FAM135B: variants seen among roughly 807,000 people sequenced by gnomAD.
FAM135B encodes family with sequence similarity 135 member B.
Under a neutral mutation model 127.7 loss-of-function variants are expected in FAM135B, and 43 were observed. The ratio of observed to expected loss-of-function variants is 0.34; its 90% confidence interval spans 0.26 to 0.43. The LOEUF is 0.43. Among genes scored for constraint, FAM135B ranks in the 20% least tolerant of loss-of-function variants. The probability of loss-of-function intolerance (pLI) is 1.00; values close to 1 mark genes in which losing one functional copy is unlikely to be tolerated. For missense variants in FAM135B, 1,558 were observed against 1,725.6 expected (o/e 0.90, Z 1.72); for synonymous variants, 670 against 665.1 (o/e 1.01, Z -0.11).
intron 18 of FAM135B, among the ~76,000 whole-genome samples, chr8:138,138,608 C>A (rs990251751): frequency 1.3e-5 from 2 of 152,256 alleles, no homozygotes; most frequent in Non-Finnish European, 2.9e-5. Context: ...ACTGCACAGT[C>A]AACATCAGTG....
intron 1 of FAM135B, among the ~76,000 whole-genome samples, chr8:138,434,748 A>T (rs1157884927): frequency 2.6e-5 from 4 of 152,196 alleles, no homozygotes; most frequent in Non-Finnish European, 5.9e-5. Flanking sequence ...GAATATGTTC[A>T]CTGTCTATGA....
intron 1 of FAM135B, among the ~76,000 whole-genome samples, chr8:138,368,768 C>T (rs1830929303): frequency 2.0e-5 from 3 of 152,160 alleles, no homozygotes; most frequent in Middle Eastern, 6.8e-3. Flanking sequence ...AACATTAAAA[C>T]AGTCCAAGTC....
intron 1 of FAM135B, among the ~76,000 whole-genome samples, chr8:138,411,994 A>G (rs565206901): frequency 6.6e-6 from 1 of 152,302 alleles, no homozygotes; most frequent in Admixed American, 6.5e-5. Flanking sequence ...GTTCTCACTT[A>G]TAAGTTGGAG....
intron 3 of FAM135B, among the ~76,000 whole-genome samples, chr8:138,295,851 G>A (rs1015553373): frequency 6.6e-6 from 1 of 152,104 alleles, no homozygotes; most frequent in Non-Finnish European, 1.5e-5. Context: ...GTGGAAAATT[G>A]AGCTGCAGAA....
At chr8:138,340,319 G>T (rs1025871909) in intron 2 of FAM135B, among the ~76,000 whole-genome samples, 1 of 152,136 alleles carries the variant, frequency 6.6e-6, no homozygotes, top group Non-Finnish European at 1.5e-5. Flanking sequence ...AACAGGAAAC[G>T]ATCAGGGAGC....
rs1002085032 is a variant in FAM135B at position 138,442,392 on chromosome 8, C to T, written c.-20+54279G>A. On this transcript the variant is annotated intron_variant, in intron 1 of 19. Transcript: ENST00000395297. ...TTCAACATGAAACATTTAATGAGCA[C>T]GTACTACTATGTGTCAGGCACATAC... Among the ~76,000 whole-genome samples the T allele has an allele frequency of 4.6e-5, 7 of 151,190 alleles. No individual in the cohort carries two copies. The East Asian group carries it at 5.9e-4, about 13-fold the overall frequency.
At chr8:138,426,002 T>TATATATATAC (rs1834838805) in intron 1 of FAM135B, among the ~76,000 whole-genome samples, 1 of 14,804 alleles carries the variant, frequency 6.8e-5, no homozygotes, top group African/African-American at 7.7e-4. Context: ...TATATATATA[T>TATATATATAC]ATATATATAT....
In FAM135B at chr8:138,241,319, C is replaced by G. The variant is rs535254728; in HGVS notation, c.669+1623G>C. 6.6e-6 allele frequency among the ~76,000 whole-genome samples: 1 copy of G among 152,310 alleles called. No homozygotes were observed. Among genetic ancestry groups the G allele is most frequent in the African/African-American group, 2.4e-5 (1 of 41,570 alleles). ...AGAAGCTCAGTGGTTGACTGAAGTT[C>G]TGCATCTACAAGTCACCGGAGTCTA... On this transcript the variant is annotated intron_variant, in intron 7 of 19. Transcript: ENST00000395297. The surrounding 1 kb of genome is among the most constrained non-coding windows in gnomAD (Gnocchi z 4.8).
intron 7 of FAM135B, among the ~76,000 whole-genome samples, chr8:138,231,668 G>T (rs1375748194): frequency 1.3e-5 from 2 of 152,150 alleles, no homozygotes; most frequent in Non-Finnish European, 2.9e-5. Flanking sequence ...AGTCAGATCT[G>T]GAGTCACATC....
chr8:138,449,214 A>T (rs2131581601), intron 1 of FAM135B, among the ~76,000 whole-genome samples: 1 of 152,314 alleles, frequency 6.6e-6, no homozygotes, highest in Non-Finnish European at 1.5e-5. Flanking sequence ...TACATAATTA[A>T]TTCATTACAA....
chr8:138,307,147 G>A (rs977141305), intron 3 of FAM135B, among the ~76,000 whole-genome samples: 1 of 152,170 alleles, frequency 6.6e-6, no homozygotes, highest in African/African-American at 2.4e-5. Flanking sequence ...GGGACCCAGT[G>A]GGAGGTAACT....
At chr8:138,420,119 G>A (rs1342121956) in intron 1 of FAM135B, among the ~76,000 whole-genome samples, 2 of 151,946 alleles carry the variant, frequency 1.3e-5, no homozygotes, top group Non-Finnish European at 2.9e-5. Context: ...AAAAAAGGGA[G>A]AAGATACACA....
At chr8:138,432,921 A>G (rs1176823235) in intron 1 of FAM135B, among the ~76,000 whole-genome samples, 1 of 152,116 alleles carries the variant, frequency 6.6e-6, no homozygotes, top group Non-Finnish European at 1.5e-5. Flanking sequence ...CAGGTACCCA[A>G]CCAAAAGGCA....
chr8:138,150,156 G>C (rs1429162261), intron 13 of FAM135B, among the ~76,000 whole-genome samples: 1 of 152,046 alleles, frequency 6.6e-6, no homozygotes, highest in African/African-American at 2.4e-5. Context: ...TTTATAGATG[G>C]GAGAGCAATA....
intron 1 of FAM135B, among the ~76,000 whole-genome samples, chr8:138,473,954 A>G (rs1814234675): frequency 6.6e-6 from 1 of 152,158 alleles, no homozygotes; most frequent in African/African-American, 2.4e-5. Flanking sequence ...TGGCACTACA[A>G]GTGAGTGCCT....
intron 1 of FAM135B, among the ~76,000 whole-genome samples, chr8:138,492,928 T>C (rs1295836454): frequency 6.6e-6 from 1 of 152,156 alleles, no homozygotes; most frequent in Non-Finnish European, 1.5e-5. Context: ...GGCAAGGACC[T>C]TGTGTTGTCT....
At chr8:138,287,264 G>C (rs546464845) in intron 3 of FAM135B, among the ~76,000 whole-genome samples, 1 of 152,212 alleles carries the variant, frequency 6.6e-6, no homozygotes, top group Admixed American at 6.5e-5. Flanking sequence ...GGAGATTCAT[G>C]AAAGGGAAGA....
intron 2 of FAM135B, among the ~76,000 whole-genome samples, chr8:138,338,022 T>C (rs538610318): frequency 6.6e-6 from 1 of 152,318 alleles, no homozygotes; most frequent in South Asian, 2.1e-4. Flanking sequence ...GATTCCCTAT[T>C]TAATAAATGG....
At chr8:138,200,380 G>T (rs1433157873) in intron 7 of FAM135B, among the ~76,000 whole-genome samples, 1 of 152,184 alleles carries the variant, frequency 6.6e-6, no homozygotes, top group African/African-American at 2.4e-5. Context: ...CAGTATGGCT[G>T]TAGAAAGTCT....
Sources: allele counts gnomAD v4.1 joint callset (sites outside exome capture counted in the v4.1 genomes callset), GRCh38; gene constraint gnomAD v4.1.1; non-coding constraint Gnocchi (gnomAD v3.1); transcripts MANE v1.5; gene names NCBI Gene and HGNC (gene_info 2026-07-23, HGNC 2026-07-21).